Variants in MICAL2 observed in about 807,000 individuals in gnomAD.
MICAL2 encodes [F-actin]-monooxygenase MICAL2.
In MICAL2, 77 loss-of-function variants were observed where a neutral mutation model predicts 127.3. The ratio of observed to expected loss-of-function variants is 0.60; its 90% confidence interval spans 0.50 to 0.73. The LOEUF (loss-of-function observed/expected upper bound fraction) is 0.73. MICAL2 is among the 30% of genes least tolerant of loss of function. The probability of loss-of-function intolerance (pLI) is 0.00; values close to 1 mark genes in which losing one functional copy is unlikely to be tolerated. For missense variants in MICAL2, 1,351 were observed against 1,434.4 expected (o/e 0.94, Z 0.94); for synonymous variants, 570 against 551.1 (o/e 1.03, Z -0.48).
At chr11:12,344,472 C>CTAT (rs1555024327) in intron 32 of MICAL2, among the ~76,000 whole-genome samples, 13,758 of 140,962 alleles carry the variant, frequency 0.098, 712 homozygotes, top group South Asian at 0.13. Context: ...ATTCTAGAAA[C>CTAT]TATTATTATT....
At chr11:12,118,827 G>A (rs1850263551) in intron 1 of MICAL2, among the ~76,000 whole-genome samples, 1 of 152,172 alleles carries the variant, frequency 6.6e-6, no homozygotes, top group African/African-American at 2.4e-5. Flanking sequence ...GAAGTCCCTT[G>A]CCTGGATATG....
chr11:12,135,306 C>T (rs1485957), intron 1 of MICAL2, among the ~76,000 whole-genome samples: 51,512 of 151,926 alleles, frequency 0.34, 8,870 homozygotes, highest in African/African-American at 0.37. Context: ...CTGCATAACT[C>T]ATTTAATCTT....
intron 3 of MICAL2, among the ~76,000 whole-genome samples, chr11:12,199,695 G>A (rs146976803): frequency 1.3e-4 from 20 of 152,270 alleles, no homozygotes; most frequent in East Asian, 3.9e-4. Flanking sequence ...AGCTGGGGCC[G>A]CCCAGTCCTT....
intron 1 of MICAL2, among the ~76,000 whole-genome samples, chr11:12,278,143 C>T (rs1192051319): frequency 1.3e-5 from 2 of 152,128 alleles, no homozygotes; most frequent in Non-Finnish European, 2.9e-5. Flanking sequence ...CTACTGTAGA[C>T]TTTATCACAC....
At chr11:12,158,192 T>TA (rs202103554) in intron 2 of MICAL2, among the ~76,000 whole-genome samples, 427 of 147,250 alleles carry the variant, frequency 2.9e-3, no homozygotes, top group Non-Finnish European at 4.0e-3. Context: ...GGACATATTC[T>TA]AAAAAAAAAA....
At chr11:12,262,166 T>G in intron 26 of MICAL2, 1 of 1,226,084 alleles carries the variant, frequency 8.2e-7, no homozygotes, top group Non-Finnish European at 1.0e-6. Context: ...CGAGGATGAA[T>G]GCCTCTAGGC....
At chr11:12,329,482 G>A (rs556778159) in intron 32 of MICAL2, among the ~76,000 whole-genome samples, 87 of 152,220 alleles carry the variant, frequency 5.7e-4, no homozygotes, top group Non-Finnish European at 9.6e-4. Context: ...GGCATGGTGG[G>A]AAGTGGGGAG....
chr11:12,358,270 C>A, intron 34 of MICAL2: 1 of 1,609,480 alleles, frequency 6.2e-7, no homozygotes, highest in South Asian at 1.1e-5. Flanking sequence ...TCTCTGAGCC[C>A]AGTGGTTTTC....
rs566800761 is a variant in MICAL2, at chr11:12,138,183, T to C, written c.-148-207T>C. Among the ~76,000 whole-genome samples, 3 of 152,194 alleles carry C rather than the reference T, an allele frequency of 2.0e-5. No individual in the cohort carries two copies. In the South Asian group the frequency reaches 6.2e-4, roughly 32 times the overall value. Reference sequence around the variant, plus strand: ...GCCCTGACTGCAGCCAACAATAGAATTTGTTTAGCCATCTTGCTATTCCTT... The same window carrying C: ...GCCCTGACTGCAGCCAACAATAGAACTTGTTTAGCCATCTTGCTATTCCTT... On this transcript the variant is annotated intron_variant, in intron 1 of 27. Transcript: ENST00000683283.
chr11:12,346,491 A>G (rs1938955954), intron 32 of MICAL2, among the ~76,000 whole-genome samples: 1 of 152,206 alleles, frequency 6.6e-6, no homozygotes, highest in South Asian at 2.1e-4. Flanking sequence ...TATGTTCTAT[A>G]TGATCTCTGG....
In MICAL2 at chr11:12,241,152, T is replaced by C; in HGVS notation, c.2327T>C (p.Leu776Pro). 2 of 1,613,770 alleles carry C rather than the reference T, an allele frequency of 1.2e-6. No individual in the cohort carries two copies. The highest frequency in any genetic ancestry group is 1.3e-5 in the African/African-American group (1 of 75,032). ...EEATPSPSPP[L>P]KRQFPSVVVT... ...GCCACACCCAGCCCATCACCTCCTC[T>C]GAAAAGGCAGGTAGGGCTCCTTCCA... Residue 776 changes from leucine to proline, a missense_variant, in exon 18 of 28, where the codon CTG (leucine) becomes CCG (proline). Physicochemically the swap from Leu to Pro is moderately conservative, Grantham distance 98. Transcript: ENST00000683283.
At chr11:12,163,341 GTA>G (rs759223247) in intron 3 of MICAL2, among the ~76,000 whole-genome samples, 3 of 152,358 alleles carry the variant, frequency 2.0e-5, no homozygotes, top group East Asian at 3.9e-4. Flanking sequence ...CGAATGTGCT[GTA>G]TTTAGACCTC....
At chr11:12,255,465 TC>T in intron 22 of MICAL2, 177 bp from the exon 23 acceptor site, 1 of 602,004 alleles carries the variant, frequency 1.7e-6, no homozygotes, top group Non-Finnish European at 3.0e-6. Context: ...TTTTCTTTTC[TC>T]CACCTCCAGA....
At chr11:12,238,423 A>G (rs1237513182) in intron 16 of MICAL2, among the ~76,000 whole-genome samples, 2 of 152,228 alleles carry the variant, frequency 1.3e-5, no homozygotes, top group African/African-American at 4.8e-5. Flanking sequence ...ACCACTTATA[A>G]GTCACGTTGA....
intron 32 of MICAL2, among the ~76,000 whole-genome samples, chr11:12,347,924 C>T (rs763290360): frequency 7.9e-5 from 12 of 152,000 alleles, no homozygotes; most frequent in East Asian, 5.8e-4. Flanking sequence ...GAGGCCAAGG[C>T]GAGAGGACCA....
chr11:12,241,398 G>A (rs554710658), intron 18 of MICAL2, among the ~76,000 whole-genome samples: 4 of 152,300 alleles, frequency 2.6e-5, no homozygotes, highest in South Asian at 2.1e-4. Context: ...CCATGCTCTC[G>A]ATGGTGCTGC....
chr11:12,240,551 T>C (rs915666031), intron 17 of MICAL2, among the ~76,000 whole-genome samples: 1 of 152,206 alleles, frequency 6.6e-6, no homozygotes, highest in African/African-American at 2.4e-5. Context: ...TTGAGACTTG[T>C]AACTCTCCAC....
chr11:12,124,031 T>A (rs1405866369), intron 1 of MICAL2, among the ~76,000 whole-genome samples: 1 of 152,164 alleles, frequency 6.6e-6, no homozygotes, highest in Non-Finnish European at 1.5e-5. Flanking sequence ...GCTGACTAGG[T>A]CTTTTTAACA....
At chr11:12,195,705 CTT>C (rs35521222) in intron 3 of MICAL2, among the ~76,000 whole-genome samples, 26,341 of 144,400 alleles carry the variant, frequency 0.18, 3,952 homozygotes, top group East Asian at 0.42. Flanking sequence ...CAATAGATTT[CTT>C]TTTTTTTTTT....
Sources: allele counts gnomAD v4.1 joint callset (sites outside exome capture counted in the v4.1 genomes callset), GRCh38; gene constraint gnomAD v4.1.1; transcripts MANE v1.5; gene names NCBI Gene and HGNC (gene_info 2026-07-23, HGNC 2026-07-21).